ADGRB3: variants seen among roughly 807,000 people sequenced by gnomAD.
The protein encoded by ADGRB3 is adhesion G protein-coupled receptor B3, also known as brain-specific angiogenesis inhibitor 3.
A neutral mutation model predicts 193.4 loss-of-function variants in ADGRB3; 37 were observed. The ratio of observed to expected loss-of-function variants is 0.19; its 90% CI spans 0.15 to 0.25. The LOEUF is 0.25. Among genes scored for constraint, ADGRB3 ranks in the 10% least tolerant of loss-of-function variants. The probability of loss-of-function intolerance (pLI) is 1.00; values close to 1 mark genes in which losing one functional copy is unlikely to be tolerated. For missense variants in ADGRB3, 1,637 were observed against 1,852.9 expected, an observed-to-expected ratio of 0.88 and a Z score of 2.14; for synonymous variants, 690 against 644.2, an observed-to-expected ratio of 1.07 and a Z score of -1.08.
intron 8 of ADGRB3, among the ~76,000 whole-genome samples, chr6:68,971,353 TA>T (rs1768562823): frequency 6.6e-6 from 1 of 152,352 alleles, no homozygotes; most frequent in African/African-American, 2.4e-5. Flanking sequence ...CTGTGTCTAC[TA>T]AAATCCTGTC....
intron 13 of ADGRB3, among the ~76,000 whole-genome samples, chr6:69,028,219 T>C (rs1289590852): frequency 6.6e-6 from 1 of 152,208 alleles, no homozygotes; most frequent in Non-Finnish European, 1.5e-5. Flanking sequence ...CCTACCACTT[T>C]TGTGTGACTT....
intron 3 of ADGRB3, among the ~76,000 whole-genome samples, chr6:68,717,349 C>A (rs1765505879): frequency 6.6e-6 from 1 of 151,552 alleles, no homozygotes; most frequent in African/African-American, 2.4e-5. Flanking sequence ...AAATTATATT[C>A]AATAAAAGCC....
chr6:69,302,713 C>T (rs1288269791), intron 20 of ADGRB3, among the ~76,000 whole-genome samples: 4 of 151,882 alleles, frequency 2.6e-5, no homozygotes, highest in African/African-American at 7.2e-5. Flanking sequence ...GAGAGAACAT[C>T]GTGAAAGTGT....
chr6:69,369,767 T>A (rs1289269810), intron 29 of ADGRB3, among the ~76,000 whole-genome samples: 2 of 152,072 alleles, frequency 1.3e-5, no homozygotes, highest in African/African-American at 4.8e-5. Context: ...TTTGTTATTG[T>A]ATCATTGCTT....
At chr6:69,214,027 A>C (rs779474) in intron 17 of ADGRB3, among the ~76,000 whole-genome samples, 14,987 of 152,220 alleles carry the variant, frequency 0.098, 846 homozygotes, top group Middle Eastern at 0.11. Context: ...ACATATAAAA[A>C]TAGCTATCAG....
intron 20 of ADGRB3, among the ~76,000 whole-genome samples, chr6:69,255,110 T>C (rs1048973100): frequency 1.2e-4 from 18 of 151,810 alleles, no homozygotes; most frequent in African/African-American, 4.4e-4. Context: ...TCTATCACTG[T>C]TGGACATTTG....
chr6:69,068,234 T>A (rs903056062), intron 16 of ADGRB3, among the ~76,000 whole-genome samples: 2 of 152,160 alleles, frequency 1.3e-5, no homozygotes, highest in African/African-American at 4.8e-5. Flanking sequence ...CCAAAAGGGA[T>A]GTTTGTGTGA....
chr6:69,024,811 G>T (rs60847833), intron 13 of ADGRB3, among the ~76,000 whole-genome samples: 4,219 of 152,132 alleles, frequency 0.028, 81 homozygotes, highest in Non-Finnish European at 0.042. Flanking sequence ...ATATTAAGGC[G>T]ACCGGGCACG....
At chr6:69,122,993 C>CGTGTGT (rs150375798) in intron 17 of ADGRB3, among the ~76,000 whole-genome samples, 17,539 of 148,614 alleles carry the variant, frequency 0.12, 1,079 homozygotes, top group Admixed American at 0.15. Flanking sequence ...TATACACATA[C>CGTGTGT]GTGTGAGTGT....
rs146099869 is a variant in ADGRB3, at chr6:68,967,420, T to C, written c.1526-7343T>C. ...GATGTGTGTAGGGCACATTGGGGGA[T>C]TCTAAAAAATGGTCCTATAGGATCT... On this transcript the variant is annotated intron_variant, in intron 8 of 31. Coordinates refer to ENST00000370598, the MANE Select transcript of ADGRB3 (RefSeq NM_001704.3). Among the ~76,000 whole-genome samples, 332 of 152,164 alleles carry C rather than the reference T, an allele frequency of 2.2e-3. 2 individuals carry two copies. Among genetic ancestry groups the C allele is most frequent in the African/African-American group, 7.6e-3 (315 of 41,518 alleles).
chr6:69,321,563 G>T (rs560429939), intron 20 of ADGRB3, among the ~76,000 whole-genome samples: 2 of 151,820 alleles, frequency 1.3e-5, no homozygotes, highest in African/African-American at 4.8e-5. Flanking sequence ...AGGAGATTCA[G>T]GATTTGAGGC....
rs2275209 is a variant in ADGRB3 at position 68,974,958 on chromosome 6, T to G, written c.1627+94T>G. 181,327 of 1,082,634 alleles carry G rather than the reference T, an allele frequency of 0.17. 17,208 individuals are homozygous for G. Among genetic ancestry groups the G allele is most frequent in the African/African-American group, 0.37 (23,495 of 63,622 alleles). The allele number at this position is 1,082,634 out of a possible 1,614,324, so 67.1% of individuals were successfully genotyped here. A position where few individuals can be genotyped will look rare whatever the true frequency, so the allele number is the denominator to read the frequency against. ...TATGAAGTCATGTTTTTGTCTTATA[T>G]CCATAAATAAGTCTGTCCAATAAGC... On this transcript the variant is annotated intron_variant, in intron 9 of 31. Coordinates refer to ENST00000370598, the MANE Select transcript of ADGRB3 (RefSeq NM_001704.3).
At chr6:69,186,288 G>A (rs1765065692) in intron 17 of ADGRB3, among the ~76,000 whole-genome samples, 1 of 151,708 alleles carries the variant, frequency 6.6e-6, no homozygotes, top group Non-Finnish European at 1.5e-5. Context: ...AAGGCATGGT[G>A]CTCCTTATTT....
At chr6:69,125,191 CT>C (rs1773821466) in intron 17 of ADGRB3, among the ~76,000 whole-genome samples, 1 of 152,122 alleles carries the variant, frequency 6.6e-6, no homozygotes, top group Non-Finnish European at 1.5e-5. Flanking sequence ...TTGTGTAATC[CT>C]TTTATATCAT....
At chr6:69,376,557 G>A (rs915324461) in intron 30 of ADGRB3, among the ~76,000 whole-genome samples, 2 of 151,890 alleles carry the variant, frequency 1.3e-5, no homozygotes, top group Non-Finnish European at 2.9e-5. Context: ...CATTTTCATG[G>A]GGGCTTGAGT....
At chr6:68,779,106 G>A (rs1306065707) in intron 3 of ADGRB3, among the ~76,000 whole-genome samples, 11 of 151,696 alleles carry the variant, frequency 7.3e-5, no homozygotes, top group Non-Finnish European at 7.4e-5. Flanking sequence ...TACATATTAC[G>A]TGTGTGTGTA....
At chr6:68,666,129 C>T (rs1456441835) in intron 3 of ADGRB3, among the ~76,000 whole-genome samples, 2 of 151,776 alleles carry the variant, frequency 1.3e-5, no homozygotes, top group African/African-American at 4.8e-5. Context: ...GACAAGATCT[C>T]GAATCACAAA....
chr6:69,387,437 C>A (rs1490208505), intron 31 of ADGRB3, among the ~76,000 whole-genome samples: 1 of 152,108 alleles, frequency 6.6e-6, no homozygotes, highest in Admixed American at 6.6e-5. Flanking sequence ...AAAAATTAAC[C>A]TTTCATTAAA....
chr6:69,344,093 G>A (rs1409789289), intron 26 of ADGRB3, among the ~76,000 whole-genome samples: 2 of 152,144 alleles, frequency 1.3e-5, no homozygotes, highest in Non-Finnish European at 2.9e-5. Flanking sequence ...ACAGCTCTAT[G>A]TCAGAGGGGG....
Sources: allele counts gnomAD v4.1 joint callset (sites outside exome capture counted in the v4.1 genomes callset), GRCh38; gene constraint gnomAD v4.1.1; transcripts MANE v1.5; gene names NCBI Gene and HGNC (gene_info 2026-07-23, HGNC 2026-07-21).